The following MIS18A variants were observed in gnomAD, a reference collection of about 807,000 sequenced individuals.
The protein encoded by MIS18A is MIS18 kinetochore protein A.
In MIS18A, 14 loss-of-function variants were observed where a neutral mutation model predicts 25.0. The observed-to-expected ratio is 0.56, with a 90% CI of 0.37 to 0.88. The LOEUF is 0.88. MIS18A is among the 40% of genes least tolerant of loss of function. The pLI is 0.00. For synonymous variants in MIS18A, 134 were observed against 118.6 expected (o/e 1.13, Z -0.84); for missense variants, 292 against 290.8 (o/e 1.00, Z -0.03).
chr21:32,184,717 T>A, the MIS18A span, among the ~76,000 whole-genome samples: 1 of 152,096 alleles, frequency 6.6e-6, no homozygotes, highest in South Asian at 2.1e-4. Flanking sequence ...TGCGCGCTCA[T>A]CCCCGCCCAC....
the MIS18A span, among the ~76,000 whole-genome samples, chr21:32,230,972 T>C: frequency 1.3e-5 from 2 of 152,016 alleles, no homozygotes; most frequent in African/African-American, 4.8e-5. Flanking sequence ...CAGTGGCTCA[T>C]GTCTGTAATC....
chr21:32,260,383 C>T, the MIS18A span: 1 of 138,034 alleles, frequency 7.2e-6, no homozygotes, highest in Non-Finnish European at 1.5e-5. Context: ...TGTATATATA[C>T]AAAAGGGTCA....
chr21:32,259,329 G>A, the MIS18A span, among the ~76,000 whole-genome samples: 1 of 152,142 alleles, frequency 6.6e-6, no homozygotes, highest in African/African-American at 2.4e-5. Flanking sequence ...GGCCTCCCAG[G>A]GGTTACAATT....
the MIS18A span, among the ~76,000 whole-genome samples, chr21:32,216,961 C>G: frequency 6.6e-6 from 1 of 152,156 alleles, no homozygotes; most frequent in African/African-American, 2.4e-5. Flanking sequence ...AATCACTGAA[C>G]AAACATTTAC....
At chr21:32,250,668 G>A in the MIS18A span, among the ~76,000 whole-genome samples, 1 of 152,314 alleles carries the variant, frequency 6.6e-6, no homozygotes, top group Admixed American at 6.5e-5. Context: ...TCTCATTTCT[G>A]TGTAGCCATC....
chr21:32,252,404 AAAGAAG>A, the MIS18A span, among the ~76,000 whole-genome samples: 8 of 144,990 alleles, frequency 5.5e-5, no homozygotes, highest in Non-Finnish European at 1.1e-4. Context: ...AAGGAGAAGA[AAAGAAG>A]AAGAAGAAGG....
At chr21:32,208,665 T>C in the MIS18A span, among the ~76,000 whole-genome samples, 8 of 152,224 alleles carry the variant, frequency 5.3e-5, no homozygotes, top group Non-Finnish European at 1.0e-4. Context: ...AGTATCTCCT[T>C]AGCCTTTATC....
downstream of MIS18A, among the ~76,000 whole-genome samples, chr21:32,266,443 T>C (rs577973373): frequency 1.6e-3 from 237 of 152,114 alleles, no homozygotes; most frequent in Non-Finnish European, 2.8e-3. Context: ...AGCTTTGTTT[T>C]TTCGCTCTTT....
the MIS18A span, among the ~76,000 whole-genome samples, chr21:32,162,917 G>A: frequency 1.3e-5 from 2 of 152,106 alleles, no homozygotes; most frequent in Non-Finnish European, 2.9e-5. Context: ...ATCCATGGAC[G>A]AGTAACACCA....
chr21:32,265,525 G>A (rs536774685), downstream of MIS18A, among the ~76,000 whole-genome samples: 14 of 152,352 alleles, frequency 9.2e-5, no homozygotes, highest in South Asian at 4.1e-4. Flanking sequence ...CCGGCCCACC[G>A]GCGCTGTGCT....
chr21:32,223,554 A>G, the MIS18A span, among the ~76,000 whole-genome samples: 1 of 152,358 alleles, frequency 6.6e-6, no homozygotes, highest in East Asian at 1.9e-4. Context: ...TCCTGGGCAC[A>G]TACACCCTCC....
the MIS18A span, among the ~76,000 whole-genome samples, chr21:32,191,140 T>C: frequency 6.6e-6 from 1 of 152,230 alleles, no homozygotes; most frequent in East Asian, 1.9e-4. Context: ...ATATAATAAG[T>C]GCTCAACAAA....
chr21:32,247,310 C>A, the MIS18A span, among the ~76,000 whole-genome samples: 7 of 152,154 alleles, frequency 4.6e-5, no homozygotes, highest in Non-Finnish European at 1.0e-4. Flanking sequence ...GGATTTGTTT[C>A]ACAGCTCCAG....
At chr21:32,243,663 C>G in the MIS18A span, among the ~76,000 whole-genome samples, 2 of 152,056 alleles carry the variant, frequency 1.3e-5, no homozygotes, top group Non-Finnish European at 2.9e-5. Context: ...GGGGTTTACC[C>G]AAGAGAAATG....
chr21:32,257,960 C>T, the MIS18A span, among the ~76,000 whole-genome samples: 1 of 152,292 alleles, frequency 6.6e-6, no homozygotes, highest in South Asian at 2.1e-4. Flanking sequence ...GATGTCTTGA[C>T]CCATAACAAG....
the MIS18A span, among the ~76,000 whole-genome samples, chr21:32,170,403 T>C: frequency 6.6e-6 from 1 of 152,150 alleles, no homozygotes; most frequent in South Asian, 2.1e-4. Context: ...TCAGTGCCAA[T>C]TAATTAACAT....
At chr21:32,169,152 C>T in the MIS18A span, among the ~76,000 whole-genome samples, 2 of 151,634 alleles carry the variant, frequency 1.3e-5, no homozygotes, top group South Asian at 2.1e-4. Context: ...GGTCCCACCC[C>T]CACCCCTACC....
the MIS18A span, among the ~76,000 whole-genome samples, chr21:32,206,440 C>T: frequency 6.6e-6 from 1 of 152,110 alleles, no homozygotes; most frequent in Non-Finnish European, 1.5e-5. Context: ...CATTGCAAGT[C>T]CTGCTTGGCG....
the MIS18A span, among the ~76,000 whole-genome samples, chr21:32,259,322 C>T: frequency 6.6e-6 from 1 of 152,328 alleles, no homozygotes; most frequent in South Asian, 2.1e-4. Flanking sequence ...TCGCCTTGGC[C>T]TCCCAGGGGT....
Sources: gnomAD v4.1 joint callset for allele counts (sites outside exome capture counted in the v4.1 genomes callset) on GRCh38, gnomAD v4.1.1 for gene constraint, MANE v1.5 for transcripts, NCBI Gene and HGNC (gene_info 2026-07-23, HGNC 2026-07-21) for gene names.